STK32B: variants seen among roughly 807,000 people sequenced by gnomAD.
STK32B encodes serine/threonine kinase 32B, also known as serine/threonine-protein kinase 32B.
In STK32B, 43 loss-of-function variants were observed where a neutral mutation model predicts 52.6. The observed-to-expected ratio is 0.82, with a 90% CI of 0.64 to 1.05. The LOEUF (loss-of-function observed/expected upper bound fraction) is 1.05, where lower values mean the gene tolerates loss of function less well. Ranked by LOEUF, STK32B falls within the 50% of genes least tolerant of loss-of-function variation. The pLI is 0.00. For synonymous variants in STK32B, 238 were observed against 204.3 expected (o/e 1.17, Z -1.41); for missense variants, 621 against 534.6 (o/e 1.16, Z -1.59).
chr4:5,390,941 G>A, intron 4 of STK32B, among the ~76,000 whole-genome samples: 1 of 149,554 alleles, frequency 6.7e-6, no homozygotes, highest in Non-Finnish European at 1.5e-5. Flanking sequence ...CCTTCTCTGT[G>A]TCTACCTGTG....
chr4:5,363,018 T>G (rs1028515854), intron 4 of STK32B, among the ~76,000 whole-genome samples: 3 of 152,220 alleles, frequency 2.0e-5, no homozygotes, highest in African/African-American at 7.2e-5. Context: ...GAGATCTCAG[T>G]GCTTTGCCCT....
chr4:5,210,439 A>T (rs1722839377), intron 3 of STK32B, among the ~76,000 whole-genome samples: 1 of 152,152 alleles, frequency 6.6e-6, no homozygotes, highest in Non-Finnish European at 1.5e-5. Context: ...CAGCATAGCT[A>T]GTCTTTCATC....
At chr4:5,031,674 A>G in the STK32B span, among the ~76,000 whole-genome samples, 15 of 152,196 alleles carry the variant, frequency 9.9e-5, no homozygotes, top group African/African-American at 3.4e-4. Context: ...AATCATGAGA[A>G]TGCCAAGTCC....
intron 1 of STK32B, among the ~76,000 whole-genome samples, chr4:5,087,229 T>C (rs1712780922): frequency 6.6e-6 from 1 of 152,112 alleles, no homozygotes; most frequent in Admixed American, 6.5e-5. Context: ...GTAGTATTAA[T>C]AGAAACTGGA....
intron 6 of STK32B, among the ~76,000 whole-genome samples, chr4:5,427,173 T>C (rs1577481698): frequency 1.3e-5 from 2 of 152,232 alleles, no homozygotes. Flanking sequence ...GTTTCTCTTC[T>C]ATAGTCTGTT....
chr4:5,387,339 T>G (rs1291354320), intron 4 of STK32B, among the ~76,000 whole-genome samples: 1 of 152,116 alleles, frequency 6.6e-6, no homozygotes, highest in African/African-American at 2.4e-5. Flanking sequence ...TGGGCCCTGA[T>G]TCGATGGAAC....
chr4:5,239,605 C>A (rs541087212), intron 3 of STK32B, among the ~76,000 whole-genome samples: 13 of 152,096 alleles, frequency 8.5e-5, no homozygotes, highest in African/African-American at 1.7e-4. Context: ...GTGCACCCAA[C>A]TGATGCTGGG....
chr4:5,337,260 A>G (rs138376747), intron 4 of STK32B, among the ~76,000 whole-genome samples: 1 of 151,954 alleles, frequency 6.6e-6, no homozygotes, highest in African/African-American at 2.4e-5. Context: ...AAGTGCTAGG[A>G]TTATAGGTGT....
At chr4:5,240,716 T>G (rs1724965312) in intron 3 of STK32B, among the ~76,000 whole-genome samples, 1 of 152,182 alleles carries the variant, frequency 6.6e-6, no homozygotes, top group South Asian at 2.1e-4. Flanking sequence ...CACCTCAGCC[T>G]CCCAAAATGC....
chr4:5,261,179 C>T (rs936830335), intron 3 of STK32B, among the ~76,000 whole-genome samples: 1 of 152,176 alleles, frequency 6.6e-6, no homozygotes, highest in Non-Finnish European at 1.5e-5. Flanking sequence ...TCCTTCACTA[C>T]AGCCTGGCCC....
chr4:5,365,824 G>A (rs191322434), intron 4 of STK32B, among the ~76,000 whole-genome samples: 65 of 152,292 alleles, frequency 4.3e-4, no homozygotes, highest in African/African-American at 1.5e-3. Flanking sequence ...ACAAACGCGA[G>A]CGTGCATGTG....
intron 8 of STK32B, among the ~76,000 whole-genome samples, chr4:5,458,301 G>A (rs577821356): frequency 4.6e-4 from 70 of 152,054 alleles, no homozygotes; most frequent in African/African-American, 1.6e-3. Context: ...TGAGTCTTGT[G>A]TGAGGTTGGC....
At position 5,446,707 on chromosome 4, in the gene STK32B, C is replaced by T; in HGVS notation, c.597C>T (p.Gly199=). ...TATTCCAGGTGTACATGGACAGAGG[C>T]CCCGGATACTCGTACCCTGTCGACT... ...PEVFQVYMDR[G]PGYSYPVDWW... is the part of the protein sequence containing the mutation. The change falls in exon 7 of 12, where the codon GGC becomes GGT. Residue 199 remains glycine (G), a synonymous_variant. Coordinates refer to ENST00000282908, the MANE Select transcript of STK32B (RefSeq NM_018401.3). 1 of 1,614,066 alleles carries T rather than the reference C, an allele frequency of 6.2e-7. No homozygotes were observed. The highest frequency in any genetic ancestry group is 1.3e-5 in the African/African-American group (1 of 75,020).
At chr4:5,259,968 G>A (rs1726590175) in intron 3 of STK32B, among the ~76,000 whole-genome samples, 1 of 151,980 alleles carries the variant, frequency 6.6e-6, no homozygotes, top group African/African-American at 2.4e-5. Context: ...ACACTGAGGA[G>A]CATAAGTGTG....
At chr4:5,144,784 T>TCATTCATC (rs1553835869) in intron 2 of STK32B, among the ~76,000 whole-genome samples, 2,074 of 95,692 alleles carry the variant, frequency 0.022, 55 homozygotes, top group African/African-American at 0.067. Flanking sequence ...ACTCATTCAC[T>TCATTCATC]CATCCATCCA....
chr4:5,105,189 G>T (rs1272439874), intron 1 of STK32B, among the ~76,000 whole-genome samples: 2 of 152,116 alleles, frequency 1.3e-5, no homozygotes, highest in African/African-American at 4.8e-5. Flanking sequence ...GATGTTGAAG[G>T]CTGGGTGCAG....
At chr4:5,200,543 G>A (rs771019548) in intron 3 of STK32B, among the ~76,000 whole-genome samples, 8 of 152,126 alleles carry the variant, frequency 5.3e-5, no homozygotes, top group Non-Finnish European at 8.8e-5. Flanking sequence ...GGGATCGTGC[G>A]GCAGATGGGA....
At chr4:5,240,181 A>AT (rs60851704) in intron 3 of STK32B, among the ~76,000 whole-genome samples, 2,544 of 151,244 alleles carry the variant, frequency 0.017, 49 homozygotes, top group East Asian at 0.077. Context: ...GGTTCATGGA[A>AT]TTTTTTTACT....
intron 3 of STK32B, among the ~76,000 whole-genome samples, chr4:5,237,137 AT>A (rs1468126600): frequency 2.0e-5 from 3 of 152,174 alleles, no homozygotes; most frequent in African/African-American, 7.2e-5. Context: ...TCCAGCTGGA[AT>A]TAAGGCTAAA....
Sources: gnomAD v4.1 joint callset for allele counts (sites outside exome capture counted in the v4.1 genomes callset) on GRCh38, gnomAD v4.1.1 for gene constraint, MANE v1.5 for transcripts, NCBI Gene and HGNC (gene_info 2026-07-23, HGNC 2026-07-21) for gene names.